MRPL3: variants seen among roughly 807,000 people sequenced by gnomAD.
The protein encoded by MRPL3 is mitochondrial ribosomal protein L3.
MRPL3 carries 43 observed loss-of-function variants against 44.3 expected under a neutral mutation model. The ratio of observed to expected loss-of-function variants is 0.97; its 90% CI spans 0.76 to 1.25. The LOEUF is 1.25. Among genes scored for constraint, MRPL3 ranks in the 50% most tolerant of loss-of-function variants. The probability of loss-of-function intolerance (pLI) is 0.00; values close to 1 mark genes in which losing one functional copy is unlikely to be tolerated. For missense variants in MRPL3, 406 were observed against 427.6 expected (o/e 0.95, Z 0.45); for synonymous variants, 171 against 152.3 (o/e 1.12, Z -0.91).
In MRPL3 at chr3:131,500,431, T is replaced by C. The variant is rs987142465; in HGVS notation, c.368A>G (p.Gln123Arg). ...DGQKHVVTLL[Q>R]VQDCHVLKYT... ...TTACGTCTTCTGTTTCTCTCTTACC[T>C]GAAGTAATGTGACCACATGCTTTTG... Residue 123 changes from glutamine to arginine, a missense_variant and splice_region_variant, in exon 3 of 10, where the codon CAG becomes CGG. Transcript: ENST00000264995. 1 of 1,611,798 alleles carries C rather than the reference T, an allele frequency of 6.2e-7. No individual in the cohort carries two copies. Among genetic ancestry groups the C allele is most frequent in the African/African-American group, 1.3e-5 (1 of 74,894 alleles).
At chr3:131,498,634 G>A (rs1445269200) in intron 3 of MRPL3, among the ~76,000 whole-genome samples, 3 of 148,770 alleles carry the variant, frequency 2.0e-5, no homozygotes, top group South Asian at 2.1e-4. Flanking sequence ...CCCGGGAGGC[G>A]GAGCTTGCAG....
chr3:131,469,231 C>T (rs1178041608), intron 8 of MRPL3, among the ~76,000 whole-genome samples: 2 of 145,272 alleles, frequency 1.4e-5, no homozygotes, highest in Non-Finnish European at 1.6e-5. Flanking sequence ...TACACACACA[C>T]ACGCACACAC....
intron 6 of MRPL3, among the ~76,000 whole-genome samples, chr3:131,473,852 A>T (rs1933792763): frequency 6.6e-6 from 1 of 152,138 alleles, no homozygotes; most frequent in African/African-American, 2.4e-5. Flanking sequence ...TCAAAACCAC[A>T]ATGAGATACC....
chr3:131,477,297 CCT>C (rs1386072334), intron 6 of MRPL3, among the ~76,000 whole-genome samples: 2 of 152,182 alleles, frequency 1.3e-5, no homozygotes, highest in African/African-American at 4.8e-5. Flanking sequence ...ATTCCCATCC[CCT>C]GAGTATCTCC....
At chr3:131,479,302 C>T in intron 6 of MRPL3, 1 of 364,624 alleles carries the variant, frequency 2.7e-6, no homozygotes, top group South Asian at 2.3e-5. Flanking sequence ...ATATATCACT[C>T]AAAAAACCAG....
rs1163194383 is a variant in MRPL3, at chr3:131,487,757, T to C, written c.569-17A>G. 6.2e-7 allele frequency: 1 copy of C among 1,600,850 alleles called. No individual in the cohort carries two copies. Among genetic ancestry groups the C allele is most frequent in the Admixed American group, 1.8e-5 (1 of 57,124 alleles). On this transcript the variant is annotated splice_polypyrimidine_tract_variant and intron_variant, in intron 5 of 9. Transcript: ENST00000264995. ...GAGGAGTGCCTTTATGAAAAGAAAA[T>C]GAAAAATCAATATGAAATTTGACAG... is the stretch of plus-strand genomic sequence containing the variant.
intron 9 of MRPL3, among the ~76,000 whole-genome samples, chr3:131,465,649 T>A (rs16836765): frequency 0.011 from 1,712 of 152,268 alleles, 21 homozygotes; most frequent in African/African-American, 0.038. Flanking sequence ...TATCAGGTTG[T>A]GCTATTTATA....
intron 9 of MRPL3, among the ~76,000 whole-genome samples, chr3:131,465,580 A>C (rs1933582766): frequency 6.6e-6 from 1 of 152,188 alleles, no homozygotes; most frequent in South Asian, 2.1e-4. Context: ...AGGATTTGAC[A>C]TTTAAAAATT....
intron 6 of MRPL3, among the ~76,000 whole-genome samples, chr3:131,481,454 T>C (rs1434106363): frequency 1.3e-5 from 2 of 152,232 alleles, no homozygotes; most frequent in African/African-American, 2.4e-5. Flanking sequence ...CTTTGTAATA[T>C]GGCTATGAAG....
At chr3:131,472,668 A>G (rs1345054581) in intron 6 of MRPL3, among the ~76,000 whole-genome samples, 6 of 152,144 alleles carry the variant, frequency 3.9e-5, no homozygotes, top group Admixed American at 2.0e-4. Context: ...GATATATCAT[A>G]TATAGGAAAT....
intron 6 of MRPL3, among the ~76,000 whole-genome samples, chr3:131,478,861 T>G (rs546331304): frequency 2.6e-4 from 39 of 151,896 alleles, no homozygotes; most frequent in African/African-American, 8.9e-4. Flanking sequence ...ACGGCTAATT[T>G]TTTGTCTTTT....
Position 131,501,948 on chromosome 3 carries a change from C to A in MRPL3, c.93-233G>T, listed in dbSNP as rs80342240. On this transcript the variant is annotated intron_variant, in intron 1 of 9. Coordinates refer to ENST00000264995, the MANE Select transcript of MRPL3 (RefSeq NM_007208.4). ...CCCTGGAGAAAAAAATTCATCTTCT[C>A]CTCGCAGATAAACATATTCCCCAAA... The A allele has an allele frequency of 0.016, 24,866 of 1,523,374 alleles. 232 individuals are homozygous for A. The highest frequency in any genetic ancestry group is 0.037 in the East Asian group (1,498 of 40,850). 94.4% of individuals were successfully genotyped at this position (1,523,374 alleles called of 1,614,324 possible). A position where few individuals can be genotyped will look rare whatever the true frequency, so the allele number is the denominator to read the frequency against.
intron 6 of MRPL3, among the ~76,000 whole-genome samples, chr3:131,481,046 A>G (rs1019262976): frequency 4.6e-5 from 7 of 152,222 alleles, no homozygotes; most frequent in Non-Finnish European, 1.0e-4. Flanking sequence ...AGTGCCTCTC[A>G]AGAAACAGAT....
At chr3:131,470,868 TTAACTGATACTAA>T (rs966173891) in intron 7 of MRPL3, among the ~76,000 whole-genome samples, 1 of 152,194 alleles carries the variant, frequency 6.6e-6, no homozygotes, top group African/African-American at 2.4e-5. Context: ...TTCAGAATTG[TTAACTGATACTAA>T]TTCAAAAGAC....
intron 3 of MRPL3, among the ~76,000 whole-genome samples, chr3:131,500,223 A>C (rs1190430921): frequency 6.6e-6 from 1 of 152,228 alleles, no homozygotes. Context: ...AGTTATCCCA[A>C]TACCAGTATC....
Position 131,471,283 on chromosome 3 carries a change from A to C in MRPL3, c.630-4T>G. The stretch of plus-strand genomic sequence containing the variant: ...ACCTTGAAAACCTTTACCAATACTG[A>C]ACAAAACAAACGTTAGAATTTACAT... On this transcript the variant is annotated splice_region_variant and splice_polypyrimidine_tract_variant and intron_variant, in intron 6 of 9. Transcript: ENST00000264995. 6.3e-7 allele frequency: 1 copy of C among 1,585,680 alleles called. No homozygotes were observed. The highest frequency in any genetic ancestry group is 8.7e-7 in the Non-Finnish European group (1 of 1,154,320).
In MRPL3 at chr3:131,502,753, A is replaced by C. The variant is rs1582724630; in HGVS notation, c.69T>G (p.Gly23=). 6.2e-7 allele frequency: 1 copy of C among 1,612,170 alleles called. No individual in the cohort carries two copies. The highest frequency in any genetic ancestry group is 8.5e-7 in the Non-Finnish European group (1 of 1,179,062). The change falls in exon 1 of 10, where the codon GGT becomes GGG. Residue 23 remains glycine, a synonymous_variant. Transcript: ENST00000264995. ...ACCTGTTCCCCGGGCCCAGGGCAGC[A>C]CCCAGGCCGTCCCCGAGTCGACCCA... The part of the protein sequence containing the change: ...QVLGRLGDGL[G]AALGPGNRTH...
intron 2 of MRPL3, among the ~76,000 whole-genome samples, chr3:131,501,262 C>T (rs1186903227): frequency 6.6e-6 from 1 of 152,156 alleles, no homozygotes; most frequent in East Asian, 1.9e-4. Context: ...TTCTTTTTAG[C>T]TGAAGTAAAC....
intron 6 of MRPL3, among the ~76,000 whole-genome samples, chr3:131,473,298 C>T (rs1933781254): frequency 6.6e-6 from 1 of 152,016 alleles, no homozygotes; most frequent in Admixed American, 6.6e-5. Flanking sequence ...GGCAATACCA[C>T]ACACTGGGGA....
Sources: gnomAD v4.1 joint callset for allele counts (sites outside exome capture counted in the v4.1 genomes callset) on GRCh38, gnomAD v4.1.1 for gene constraint, MANE v1.5 for transcripts, NCBI Gene and HGNC (gene_info 2026-07-23, HGNC 2026-07-21) for gene names.